ZRANB1: variants seen among roughly 807,000 people sequenced by gnomAD.
ZRANB1 encodes the protein ubiquitin thioesterase ZRANB1.
A neutral mutation model predicts 80.5 loss-of-function variants in ZRANB1; 16 were observed. The observed-to-expected ratio is 0.20, with a 90% CI of 0.13 to 0.30. The LOEUF (loss-of-function observed/expected upper bound fraction) is 0.30. Ranked by LOEUF, ZRANB1 falls within the 10% of genes least tolerant of loss-of-function variation. The pLI is 1.00. For synonymous variants in ZRANB1, 291 were observed against 293.1 expected, an observed-to-expected ratio of 0.99 and a Z score of 0.07; for missense variants, 576 against 862.6, an observed-to-expected ratio of 0.67 and a Z score of 4.16.
At chr10:124,951,684 CGGT>C (rs566954262) in intron 1 of ZRANB1, among the ~76,000 whole-genome samples, 14 of 152,106 alleles carry the variant, frequency 9.2e-5, no homozygotes, top group Non-Finnish European at 1.8e-4. Context: ...CTGCTGGTCG[CGGT>C]GGCTCATGCC....
At chr10:124,928,657 G>A in the ZRANB1 span, among the ~76,000 whole-genome samples, 2 of 152,154 alleles carry the variant, frequency 1.3e-5, no homozygotes, top group Non-Finnish European at 2.9e-5. Flanking sequence ...AAACGTATAC[G>A]AAATGTTGGG....
In ZRANB1 at chr10:124,971,989, A is replaced by G; in HGVS notation, c.1027A>G (p.Ile343Val). The G allele has an allele frequency of 6.2e-7, 1 of 1,605,260 alleles. No individual in the cohort carries two copies. The highest frequency in any genetic ancestry group is 8.5e-7 in the Non-Finnish European group (1 of 1,176,248). The change falls in exon 3 of 9, where the codon ATT becomes GTT. Residue 343 changes from isoleucine (I) to valine (V), a missense_variant. Ile to Val is a conservative substitution (Grantham distance 29, BLOSUM62 3). Coordinates refer to ENST00000359653, the MANE Select transcript of ZRANB1 (RefSeq NM_017580.3). ...TEVSQQAAKC[I>V]PAMVCPELTE... is the part of the protein sequence containing the mutation. ...GGTGTCTCAACAAGCAGCAAAGTGT[A>G]TTCCAGCAATGGTGTGTCCTGAACT...
At chr10:124,946,210 G>A (rs1043619068) in intron 1 of ZRANB1, 11 of 152,314 alleles carry the variant, frequency 7.2e-5, no homozygotes, top group African/African-American at 2.7e-4. Context: ...CCTGAGGTCG[G>A]GAGTTCGAGA....
At chr10:124,940,256 C>T (rs755585154), upstream of ZRANB1, among the ~76,000 whole-genome samples, 1 of 152,134 alleles carries the variant, frequency 6.6e-6, no homozygotes, top group Non-Finnish European at 1.5e-5. Flanking sequence ...ATATAGTTGT[C>T]CATTGTTAAA....
rs1246614734 is a variant in ZRANB1, at chr10:124,986,287, G to GCACACACACACA, written c.*1296_*1297insACACACACACAC. ...GGAAAGACGACACACGCACGCGCGC[G>GCACACACACACA]CGCGCACACACACACACACACACAC... is the stretch of plus-strand genomic sequence containing the variant. On this transcript the variant is annotated 3_prime_UTR_variant, in exon 9 of 9. Coordinates refer to ENST00000359653, the MANE Select transcript of ZRANB1 (RefSeq NM_017580.3). 9 of 73,094 alleles carry GCACACACACACA rather than the reference G, an allele frequency of 1.2e-4. No individual in the cohort carries two copies. The highest frequency in any genetic ancestry group is 3.8e-4 in the African/African-American group (9 of 23,764). The allele number at this position is 73,094 out of a possible 1,614,324, so 4.5% of individuals were successfully genotyped here. A position where few individuals can be genotyped will look rare whatever the true frequency, so the allele number is the denominator to read the frequency against.
intron 1 of ZRANB1, among the ~76,000 whole-genome samples, chr10:124,956,602 G>A (rs1951689246): frequency 1.3e-5 from 2 of 152,162 alleles, no homozygotes; most frequent in Admixed American, 6.5e-5. Context: ...CCAAGTAGCT[G>A]GGACTATAGG....
At chr10:124,981,666 T>C in intron 5 of ZRANB1, 43 bp from the exon 6 acceptor site, 3 of 1,515,260 alleles carry the variant, frequency 2.0e-6, no homozygotes, top group Non-Finnish European at 2.7e-6. Flanking sequence ...GTTTTATTTA[T>C]AGAAGACTAT....
At chr10:124,940,840 G>A (rs886922121), upstream of ZRANB1, among the ~76,000 whole-genome samples, 1 of 152,068 alleles carries the variant, frequency 6.6e-6, no homozygotes, top group Non-Finnish European at 1.5e-5. Context: ...AGCCGGGCAT[G>A]GTGGCATGCA....
rs905109759 is a variant in ZRANB1 at position 124,983,883 on chromosome 10, A to T, written c.1908+195A>T. On this transcript the variant is annotated intron_variant, in intron 8 of 8. Transcript: ENST00000359653. This position sits in a 1 kb window ranked among gnomAD's most constrained non-coding sequence, Gnocchi z 6.2. ...TGTATGGGGACACATCAAGGAACTTAAGGTGGTGATGGGTTTTAAGAAGAA... is the reference window on the plus strand; with the variant it reads ...TGTATGGGGACACATCAAGGAACTTTAGGTGGTGATGGGTTTTAAGAAGAA... 2.0e-5 allele frequency among the ~76,000 whole-genome samples: 3 copies of T among 152,216 alleles called. No individual in the cohort carries two copies.
At chr10:124,970,990 G>A (rs73373153) in intron 2 of ZRANB1, among the ~76,000 whole-genome samples, 2,562 of 151,878 alleles carry the variant, frequency 0.017, 69 homozygotes, top group African/African-American at 0.058. Flanking sequence ...GCTAATTTTT[G>A]TAGTAGTATT....
rs899142689 is a variant in ZRANB1 at position 124,967,979 on chromosome 10, G to A, written c.1002+1198G>A. 2.6e-5 allele frequency among the ~76,000 whole-genome samples: 4 copies of A among 151,476 alleles called. 1 individual carries two copies. Among genetic ancestry groups the A allele is most frequent in the Admixed American group, 1.3e-4 (2 of 15,186 alleles). ...AGTGGCACGATCTTGGCTTACTGCA[G>A]CCTCTGCCTCCTGGGTTCAAGCGAG... On this transcript the variant is annotated intron_variant, in intron 2 of 8. Coordinates refer to ENST00000359653, the MANE Select transcript of ZRANB1 (RefSeq NM_017580.3).
At chr10:124,971,931 A>C in intron 2 of ZRANB1, 34 bp from the exon 3 acceptor site, 1 of 1,533,146 alleles carries the variant, frequency 6.5e-7, no homozygotes, top group Non-Finnish European at 8.8e-7. Flanking sequence ...CTTATGATAC[A>C]TGAGATGAGA....
chr10:124,933,665 C>T, the ZRANB1 span, among the ~76,000 whole-genome samples: 3 of 152,190 alleles, frequency 2.0e-5, no homozygotes, highest in Non-Finnish European at 2.9e-5. Flanking sequence ...CATGGTAAAC[C>T]TTTGGTAAAT....
rs1589852457 is a variant in ZRANB1 at position 124,971,947 on chromosome 10, G to A, written c.1003-18G>A. The stretch of plus-strand genomic sequence containing the variant: ...TTATGATACATGAGATGAGAGGAAG[G>A]TTTCTTTTGTATTTAAGGTGTCTCA... On this transcript the variant is annotated intron_variant, in intron 2 of 8. Transcript: ENST00000359653. 1 of 1,553,924 alleles carries A rather than the reference G, an allele frequency of 6.4e-7. No homozygotes were observed. Among genetic ancestry groups the A allele is most frequent in the East Asian group, 2.3e-5 (1 of 43,298 alleles).
intron 5 of ZRANB1, among the ~76,000 whole-genome samples, chr10:124,974,657 TA>T (rs35773672): frequency 6.6e-6 from 1 of 152,268 alleles, no homozygotes; most frequent in Non-Finnish European, 1.5e-5. Flanking sequence ...TTTGAAGCTT[TA>T]AAATGCAAGC....
At chr10:124,932,382 TG>T in the ZRANB1 span, among the ~76,000 whole-genome samples, 1 of 148,512 alleles carries the variant, frequency 6.7e-6, no homozygotes, top group Non-Finnish European at 1.5e-5. Context: ...CTCTGCCTCC[TG>T]GGTTCAAGTG....
chr10:124,921,284 A>G, the ZRANB1 span, among the ~76,000 whole-genome samples: 2 of 152,200 alleles, frequency 1.3e-5, no homozygotes, highest in Non-Finnish European at 2.9e-5. Flanking sequence ...CTCAGTTTGT[A>G]TTCTTAACCT....
Position 124,987,554 on chromosome 10 carries a change from C to G in ZRANB1, c.*2562C>G, listed in dbSNP as rs954058820. The stretch of plus-strand genomic sequence containing the variant: ...CCTCCTTTTCACGCATATTTCATTG[C>G]CTCTTTGATGAGTGGTTACGAAGAC... On this transcript the variant is annotated 3_prime_UTR_variant, in exon 9 of 9. Coordinates refer to ENST00000359653, the MANE Select transcript of ZRANB1 (RefSeq NM_017580.3). The G allele has an allele frequency of 6.6e-6, 1 of 152,084 alleles. No homozygotes were observed. Among genetic ancestry groups the G allele is most frequent in the South Asian group, 2.1e-4 (1 of 4,832 alleles). 9.4% of individuals were successfully genotyped at this position (152,084 alleles called of 1,614,324 possible).
intron 5 of ZRANB1, among the ~76,000 whole-genome samples, chr10:124,977,711 G>GAAAAAA (rs752296814): frequency 3.3e-4 from 16 of 48,696 alleles, no homozygotes; most frequent in Non-Finnish European, 4.9e-4. Flanking sequence ...ACCCTGCTAA[G>GAAAAAA]AAAAAAAAAA....
Sources: gnomAD v4.1 joint callset for allele counts (sites outside exome capture counted in the v4.1 genomes callset) on GRCh38, gnomAD v4.1.1 for gene constraint, Gnocchi (gnomAD v3.1) non-coding constraint, MANE v1.5 for transcripts, NCBI Gene and HGNC (gene_info 2026-07-23, HGNC 2026-07-21) for gene names.